QRFPR: variants seen among roughly 807,000 people sequenced by gnomAD.
QRFPR encodes the protein pyroglutamylated RF-amide peptide receptor.
A neutral mutation model predicts 31.3 loss-of-function variants in QRFPR; 37 were observed. The ratio of observed to expected loss-of-function variants is 1.18; its 90% CI spans 0.91 to 1.56. QRFPR has a LOEUF of 1.56. Among genes scored for constraint, QRFPR ranks in the 40% most tolerant of loss-of-function variants. The pLI is 0.00. For missense variants in QRFPR, 542 were observed against 532.5 expected (o/e 1.02, Z -0.18); for synonymous variants, 197 against 192.0 (o/e 1.03, Z -0.22).
At chr4:121,358,063 A>G (rs1245695880) in intron 1 of QRFPR, among the ~76,000 whole-genome samples, 2 of 152,234 alleles carry the variant, frequency 1.3e-5, no homozygotes, top group Non-Finnish European at 2.9e-5. Context: ...AAATAACCAT[A>G]AAATTACAAA....
intron 4 of QRFPR, 98 bp from the exon 5 acceptor site, chr4:121,330,621 A>G (rs1221477842): frequency 2.4e-6 from 2 of 836,576 alleles, no homozygotes; most frequent in Non-Finnish European, 4.0e-6. Flanking sequence ...GTTCACTCAA[A>G]CATAATTTTT....
intron 1 of QRFPR, among the ~76,000 whole-genome samples, chr4:121,365,593 TA>T (rs1560743997): frequency 0.16 from 861 of 5,310 alleles, 77 homozygotes; most frequent in African/African-American, 0.22. Flanking sequence ...ATATATATTA[TA>T]TATATATAAT....
At chr4:121,376,145 C>G (rs943662629) in intron 1 of QRFPR, among the ~76,000 whole-genome samples, 1 of 152,134 alleles carries the variant, frequency 6.6e-6, no homozygotes, top group Non-Finnish European at 1.5e-5. Flanking sequence ...AGGGCCATGG[C>G]AGAGCAACTC....
intron 1 of QRFPR, among the ~76,000 whole-genome samples, chr4:121,349,051 C>T (rs541620702): frequency 3.3e-5 from 5 of 151,902 alleles, no homozygotes; most frequent in Admixed American, 2.0e-4. Flanking sequence ...GAGCCAAGAT[C>T]GCGCCACTGC....
At chr4:121,349,980 TC>T (rs1447441415) in intron 1 of QRFPR, among the ~76,000 whole-genome samples, 1 of 152,142 alleles carries the variant, frequency 6.6e-6, no homozygotes, top group Non-Finnish European at 1.5e-5. Context: ...GATCCGTTAC[TC>T]CTGAAGAAAA....
intron 1 of QRFPR, among the ~76,000 whole-genome samples, chr4:121,357,610 G>T (rs1448446697): frequency 6.6e-6 from 1 of 152,106 alleles, no homozygotes. Flanking sequence ...AGAAAGCACT[G>T]GTTCTTGACT....
intron 3 of QRFPR, among the ~76,000 whole-genome samples, chr4:121,335,588 G>T (rs1460029270): frequency 2.0e-5 from 2 of 99,194 alleles, no homozygotes; most frequent in Non-Finnish European, 4.3e-5. Context: ...TGGGGGGTGG[G>T]GCGGGGAGAG....
chr4:121,351,527 T>C (rs1162536809), intron 1 of QRFPR, among the ~76,000 whole-genome samples: 1 of 152,080 alleles, frequency 6.6e-6, no homozygotes, highest in Admixed American at 6.6e-5. Flanking sequence ...TTTCAAATAA[T>C]AGAATAAAAT....
At position 121,380,726 on chromosome 4, in the gene QRFPR, G is replaced by C; in HGVS notation, c.-79C>G. On this transcript the variant is annotated 5_prime_UTR_variant, in exon 1 of 6. Coordinates refer to ENST00000394427, the MANE Select transcript of QRFPR (RefSeq NM_198179.3). ...CATCTGCGGGGCAGCGAGGGCTTCG[G>C]GGGACCAGCCGGAGGCCGCCTCCCT... 2 of 1,356,196 alleles carry C rather than the reference G, an allele frequency of 1.5e-6. No homozygotes were observed. The highest frequency in any genetic ancestry group is 1.5e-5 in the South Asian group (1 of 66,332). 84.0% of individuals were successfully genotyped at this position (1,356,196 alleles called of 1,614,324 possible).
At chr4:121,365,600 ATAATATATATATTAT>A (rs1726108268) in intron 1 of QRFPR, among the ~76,000 whole-genome samples, 1 of 12,464 alleles carries the variant, frequency 8.0e-5, no homozygotes, top group South Asian at 1.4e-3. Flanking sequence ...TTATATATAT[ATAATATATATATTAT>A]ATATATTATA....
At chr4:121,376,937 T>A (rs531141269) in intron 1 of QRFPR, among the ~76,000 whole-genome samples, 1 of 147,146 alleles carries the variant, frequency 6.8e-6, no homozygotes, top group African/African-American at 2.4e-5. Context: ...AAAGCAGGTT[T>A]TGACTCAATA....
rs1560743531 is a variant in QRFPR at position 121,365,526 on chromosome 4, T to TATATATTATATAA, written c.340+14781_340+14782insTTATATAATATAT. On this transcript the variant is annotated intron_variant, in intron 1 of 5. Transcript: ENST00000394427. ...ATATATATAATATATATTATATATA[T>TATATATTATATAA]TATATATAATATATATTATATATAA... 9.3e-3 allele frequency among the ~76,000 whole-genome samples: 58 copies of TATATATTATATAA among 6,266 alleles called. 4 individuals carry two copies. The highest frequency in any genetic ancestry group is 0.029 in the East Asian group (2 of 68). 4.1% of individuals were successfully genotyped at this position (6,266 alleles called of 152,430 possible).
At position 121,329,503 on chromosome 4, in the gene QRFPR, C is replaced by T. The variant is rs756055071; in HGVS notation, c.1107G>A (p.Met369Ile). Residue 369 changes from methionine to isoleucine, a missense_variant, in exon 6 of 6, where the codon ATG becomes ATA. By Grantham distance (10) the Met-to-Ile change is conservative (BLOSUM62 1). Coordinates refer to ENST00000394427, the MANE Select transcript of QRFPR (RefSeq NM_198179.3). ...GGGAAAACTTTGCTTTCTTCCGCATCATTGTAATTCCTGAATTTCCATGCC... is the reference window on the plus strand; with the variant it reads ...GGGAAAACTTTGCTTTCTTCCGCATTATTGTAATTCCTGAATTTCCATGCC... Reference protein sequence around the residue: ...AQRHGNSGITMMRKKAKFSLR... With the variant: ...AQRHGNSGITIMRKKAKFSLR... 1.4e-5 allele frequency: 22 copies of T among 1,614,002 alleles called. No homozygotes were observed. Among genetic ancestry groups the T allele is most frequent in the Non-Finnish European group, 1.8e-5 (21 of 1,180,002 alleles).
chr4:121,342,357 C>A (rs1725559521), intron 1 of QRFPR, among the ~76,000 whole-genome samples: 1 of 152,100 alleles, frequency 6.6e-6, no homozygotes, highest in Non-Finnish European at 1.5e-5. Context: ...ATGGAACTTC[C>A]CAGTGTCTGC....
Position 121,352,029 on chromosome 4 carries a change from G to A in QRFPR, c.341-11419C>T, listed in dbSNP as rs529341624. On this transcript the variant is annotated intron_variant, in intron 1 of 5. Transcript: ENST00000394427. ...AAGAGGTTTCTATTTTGCTACAAAT[G>A]TATGTGGGAAAAACTTAAATACACT... 1.1e-4 allele frequency among the ~76,000 whole-genome samples: 17 copies of A among 152,186 alleles called. No homozygotes were observed. In the South Asian group the frequency reaches 3.3e-3, roughly 30 times the overall value.
chr4:121,337,045 T>G (rs1209098133), intron 2 of QRFPR, among the ~76,000 whole-genome samples, 177 bp from the exon 3 acceptor site: 7 of 152,274 alleles, frequency 4.6e-5, no homozygotes, highest in Non-Finnish European at 8.8e-5. Context: ...AAACTGCTGC[T>G]GGAATAAACT....
intron 1 of QRFPR, among the ~76,000 whole-genome samples, chr4:121,364,647 A>G (rs1335009225): frequency 6.7e-6 from 1 of 148,906 alleles, no homozygotes; most frequent in African/African-American, 2.5e-5. Flanking sequence ...CTTAAAAAAA[A>G]AAAGAAAAGA....
chr4:121,380,905 G>A lies in QRFPR; in HGVS notation c.-258C>T, dbSNP rs916742417. 6.2e-6 allele frequency: 3 copies of A among 484,910 alleles called. No individual in the cohort carries two copies. The highest frequency in any genetic ancestry group is 3.8e-5 in the Admixed American group (1 of 26,154). 30.0% of individuals were successfully genotyped at this position (484,910 alleles called of 1,614,324 possible). A position where few individuals can be genotyped will look rare whatever the true frequency, so the allele number is the denominator to read the frequency against. On this transcript the variant is annotated 5_prime_UTR_variant, in exon 1 of 6. Transcript: ENST00000394427. The stretch of plus-strand genomic sequence containing the variant: ...TCTCAGTGACCAAAAAATGTTCGCG[G>A]TTCAAATAAAGTTCTTCCCTTGCTC...
intron 4 of QRFPR, among the ~76,000 whole-genome samples, chr4:121,331,175 GTTTTT>G (rs397995185): frequency 3.0e-4 from 21 of 69,054 alleles, no homozygotes; most frequent in East Asian, 9.6e-4. Context: ...TATATCTTGG[GTTTTT>G]TTTTTTTTTT....
Sources: allele counts gnomAD v4.1 joint callset (sites outside exome capture counted in the v4.1 genomes callset), GRCh38; gene constraint gnomAD v4.1.1; transcripts MANE v1.5; gene names NCBI Gene and HGNC (gene_info 2026-07-23, HGNC 2026-07-21).